Variants in STK3 observed in about 807,000 individuals in gnomAD.
The protein encoded by STK3 is serine/threonine-protein kinase 3.
In STK3, 41 loss-of-function variants were observed where a neutral mutation model predicts 58.0. The ratio of observed to expected loss-of-function variants is 0.71; its 90% CI spans 0.55 to 0.92. The LOEUF (loss-of-function observed/expected upper bound fraction) is 0.92, where lower values mean the gene tolerates loss of function less well. Among genes scored for constraint, STK3 ranks in the 40% least tolerant of loss-of-function variants. The pLI is 0.00. For missense variants in STK3, 479 were observed against 602.7 expected (o/e 0.79, Z 2.15); for synonymous variants, 170 against 191.0 (o/e 0.89, Z 0.91).
chr8:98,453,077 C>CTTGTT (rs1412153904), downstream of STK3, among the ~76,000 whole-genome samples: 5 of 65,424 alleles, frequency 7.6e-5, no homozygotes, highest in Non-Finnish European at 8.7e-5. Flanking sequence ...TGATTTCTTT[C>CTTGTT]TTGTTTTTTT....
At chr8:98,644,006 C>A (rs181599485) in intron 6 of STK3, among the ~76,000 whole-genome samples, 4 of 152,028 alleles carry the variant, frequency 2.6e-5, no homozygotes, top group Non-Finnish European at 5.9e-5. Flanking sequence ...CAGACAAAGA[C>A]CCCAACTCAA....
At chr8:98,806,499 C>G (rs1833893607) in intron 1 of STK3, among the ~76,000 whole-genome samples, 1 of 152,100 alleles carries the variant, frequency 6.6e-6, no homozygotes, top group African/African-American at 2.4e-5. Context: ...CCCAATTAAT[C>G]TTAGATTTCA....
chr8:98,851,170 T>C (rs781753102), intron 3 of STK3, among the ~76,000 whole-genome samples: 1 of 152,078 alleles, frequency 6.6e-6, no homozygotes, highest in African/African-American at 2.4e-5. Context: ...CCCCCAACCA[T>C]CAGCACTGAC....
chr8:98,720,932 G>A (rs1827368634), intron 4 of STK3: 1 of 206,928 alleles, frequency 4.8e-6, no homozygotes, highest in Non-Finnish European at 8.4e-6. Context: ...GCCATAAATA[G>A]GCAGTAAAAA....
At chr8:98,489,082 G>A (rs1822499247) in intron 10 of STK3, among the ~76,000 whole-genome samples, 1 of 152,112 alleles carries the variant, frequency 6.6e-6, no homozygotes, top group South Asian at 2.1e-4. Context: ...GGCTCTCGAT[G>A]CAGAAACTGA....
intron 1 of STK3, among the ~76,000 whole-genome samples, chr8:98,387,175 T>TA (rs1363905117): frequency 2.6e-5 from 4 of 152,066 alleles, no homozygotes; most frequent in Non-Finnish European, 5.9e-5. Context: ...ACATAAAGAT[T>TA]AAAAAAAATC....
In STK3 at chr8:98,763,664, TTTTC is replaced by T. The variant is rs541716809; in HGVS notation, c.236+3575_236+3578del. 9.2e-4 allele frequency among the ~76,000 whole-genome samples: 140 copies of T among 152,014 alleles called. 1 individual carries two copies. Among genetic ancestry groups the T allele is most frequent in the Non-Finnish European group, 1.1e-3 (76 of 67,976 alleles). On this transcript the variant is annotated intron_variant, in intron 3 of 10. Transcript: ENST00000419617. ...TTTCTCCCTGTCATTTCCTAATTGT[TTTTC>T]TTTTTCTTTTTTTTTTCTTTTTGAG...
chr8:98,725,077 G>A (rs1459355234), intron 4 of STK3, among the ~76,000 whole-genome samples: 1 of 152,152 alleles, frequency 6.6e-6, no homozygotes, highest in Non-Finnish European at 1.5e-5. Context: ...AGCTTTGAGT[G>A]TAGCAATAAA....
downstream of STK3, among the ~76,000 whole-genome samples, chr8:98,367,396 CTCT>C (rs1197197262): frequency 7.9e-5 from 12 of 152,190 alleles, no homozygotes; most frequent in South Asian, 2.1e-4. Flanking sequence ...CCCCCTTCCA[CTCT>C]TCTTCTGGTT....
intron 1 of STK3, among the ~76,000 whole-genome samples, chr8:98,924,530 A>G (rs1187901620): frequency 6.6e-6 from 1 of 152,202 alleles, no homozygotes; most frequent in Non-Finnish European, 1.5e-5. Context: ...TCAACCTCGT[A>G]AGGAACCAAT....
At chr8:98,378,634 G>A (rs1347065836) in intron 2 of STK3, among the ~76,000 whole-genome samples, 1 of 152,194 alleles carries the variant, frequency 6.6e-6, no homozygotes, top group Non-Finnish European at 1.5e-5. Context: ...ATAAATGATA[G>A]CTGTTTTTAT....
At chr8:98,677,572 A>AGGAGAC (rs1054343623) in intron 6 of STK3, among the ~76,000 whole-genome samples, 3 of 152,142 alleles carry the variant, frequency 2.0e-5, no homozygotes, top group African/African-American at 4.8e-5. Context: ...AGGAAGGAGA[A>AGGAGAC]GGAGACGGAG....
chr8:98,422,783 A>G (rs1818188763), intron 3 of STK3, among the ~76,000 whole-genome samples: 2 of 152,158 alleles, frequency 1.3e-5, no homozygotes, highest in Admixed American at 1.3e-4. Flanking sequence ...GTGCAGACTC[A>G]TGGACACACA....
At chr8:98,467,331 G>A (rs1205999799) in intron 10 of STK3, among the ~76,000 whole-genome samples, 1 of 152,116 alleles carries the variant, frequency 6.6e-6, no homozygotes, top group Non-Finnish European at 1.5e-5. Flanking sequence ...TTGAAACATA[G>A]TAGGTGCTTA....
chr8:98,420,208 G>A (rs1373683121), intron 3 of STK3, among the ~76,000 whole-genome samples: 1 of 152,090 alleles, frequency 6.6e-6, no homozygotes, highest in East Asian at 1.9e-4. Context: ...TCCCATCCAG[G>A]ACAGCAATCC....
chr8:98,859,398 GC>G (rs1836842688), intron 3 of STK3, among the ~76,000 whole-genome samples: 1 of 152,116 alleles, frequency 6.6e-6, no homozygotes, highest in East Asian at 1.9e-4. Flanking sequence ...GACAATTTTG[GC>G]CTATATATAA....
chr8:98,435,134 C>T lies in STK3; in HGVS notation n.292-816G>A, dbSNP rs149379774. ...TTGGATGAAGGGGGCAATGAGGACA[C>T]GAGGAAAGAGGAATAACTATTTCCT... On this transcript the variant is annotated intron_variant and non_coding_transcript_variant, in intron 2 of 3. Coordinates refer to the STK3 transcript ENST00000517832. 2.3e-3 allele frequency among the ~76,000 whole-genome samples: 344 copies of T among 152,152 alleles called. 3 individuals carry two copies. The highest frequency in any genetic ancestry group is 7.6e-3 in the African/African-American group (317 of 41,504).
chr8:98,715,443 A>AC (rs1826918252), intron 4 of STK3, among the ~76,000 whole-genome samples: 4 of 152,090 alleles, frequency 2.6e-5, no homozygotes, highest in East Asian at 3.9e-4. Flanking sequence ...CAAGAAAAAA[A>AC]AAACAACCCC....
chr8:98,579,610 T>A (rs1179062292), intron 8 of STK3, 54 bp downstream of exon 8: 1 of 1,576,782 alleles, frequency 6.3e-7, no homozygotes, highest in Non-Finnish European at 8.6e-7. Flanking sequence ...TTAACAGAAT[T>A]ACAGACAAAT....
Sources: gnomAD v4.1 joint callset for allele counts (sites outside exome capture counted in the v4.1 genomes callset) on GRCh38, gnomAD v4.1.1 for gene constraint, MANE v1.5 for transcripts, NCBI Gene and HGNC (gene_info 2026-07-23, HGNC 2026-07-21) for gene names.